GARIN2: variants seen among roughly 807,000 people sequenced by gnomAD.
The protein encoded by GARIN2 is golgi associated RAB2 interactor family member 2, also known as Golgi-associated RAB2 interactor protein 2.
At chr14:67,222,373 T>G in the GARIN2 span, among the ~76,000 whole-genome samples, 3 of 152,174 alleles carry the variant, frequency 2.0e-5, no homozygotes, top group African/African-American at 7.2e-5. Context: ...CACTGCAACC[T>G]CTCTGCCTTT....
the GARIN2 span, among the ~76,000 whole-genome samples, chr14:67,193,148 A>G: frequency 0.019 from 2,667 of 141,950 alleles, 22 homozygotes; most frequent in Middle Eastern, 0.056. Flanking sequence ...ACATCTATCT[A>G]TATATCTCTA....
At chr14:67,202,383 G>A in the GARIN2 span, among the ~76,000 whole-genome samples, 1 of 152,138 alleles carries the variant, frequency 6.6e-6, no homozygotes, top group Non-Finnish European at 1.5e-5. Flanking sequence ...AGAGGTTGTA[G>A]TAAGCCGAGA....
chr14:67,207,166 A>G, the GARIN2 span, among the ~76,000 whole-genome samples: 9 of 152,206 alleles, frequency 5.9e-5, no homozygotes, highest in Non-Finnish European at 1.2e-4. Flanking sequence ...ATTGCTATAA[A>G]GAAATATCTG....
At chr14:67,227,822 T>C in the GARIN2 span, 1 of 152,316 alleles carries the variant, frequency 6.6e-6, no homozygotes, top group Non-Finnish European at 1.5e-5. Flanking sequence ...ACATCCTGAA[T>C]GGACAGGTTT....
the GARIN2 span, chr14:67,199,597 G>C: frequency 6.3e-7 from 1 of 1,592,872 alleles, no homozygotes; most frequent in Non-Finnish European, 8.6e-7. Flanking sequence ...ATGCCTTCGA[G>C]AAGGACTCCA....
the GARIN2 span, among the ~76,000 whole-genome samples, chr14:67,196,304 C>T: frequency 6.6e-6 from 1 of 151,852 alleles, no homozygotes; most frequent in Non-Finnish European, 1.5e-5. Context: ...GCAACCTCCA[C>T]CTCTCATGTT....
At chr14:67,198,376 A>C in the GARIN2 span, 13 of 1,499,122 alleles carry the variant, frequency 8.7e-6, no homozygotes, top group Non-Finnish European at 1.2e-5. Context: ...ATTTTCTCAA[A>C]GAAAACTGAA....
the GARIN2 span, among the ~76,000 whole-genome samples, chr14:67,217,382 G>A: frequency 1.3e-5 from 2 of 152,214 alleles, no homozygotes; most frequent in East Asian, 3.9e-4. Context: ...TATCTTTTAA[G>A]CAGGGAATTT....
At chr14:67,204,599 T>C in the GARIN2 span, 1 of 1,613,680 alleles carries the variant, frequency 6.2e-7, no homozygotes, top group South Asian at 1.1e-5. Flanking sequence ...AGCCTGAAAG[T>C]AAAGCTGGTG....
At chr14:67,215,949 C>T in the GARIN2 span, among the ~76,000 whole-genome samples, 6 of 152,246 alleles carry the variant, frequency 3.9e-5, no homozygotes, top group South Asian at 2.1e-4. Context: ...CCATTAGATT[C>T]GCTTTTAATG....
the GARIN2 span, chr14:67,203,121 C>T: frequency 6.2e-7 from 1 of 1,613,548 alleles, no homozygotes. Context: ...ATCCATTTAC[C>T]TTCATAACCG....
the GARIN2 span, chr14:67,200,077 G>A: frequency 1.0e-6 from 1 of 973,218 alleles, no homozygotes; most frequent in Non-Finnish European, 1.6e-6. Flanking sequence ...ACCACCACCT[G>A]GAATGCCTTA....
At chr14:67,198,394 G>A in the GARIN2 span, 2 of 1,399,554 alleles carry the variant, frequency 1.4e-6, no homozygotes, top group Non-Finnish European at 2.0e-6. Context: ...GAAAAGGATG[G>A]TAGGAGAATT....
At chr14:67,222,037 C>T in the GARIN2 span, 1 of 493,192 alleles carries the variant, frequency 2.0e-6, no homozygotes, top group Non-Finnish European at 3.5e-6. Flanking sequence ...TACTTTACTA[C>T]TTCAGTTTTC....
the GARIN2 span, among the ~76,000 whole-genome samples, chr14:67,206,421 G>A: frequency 1.3e-5 from 2 of 151,954 alleles, no homozygotes; most frequent in African/African-American, 4.8e-5. Context: ...GTTTGAAACC[G>A]GGAGGTGGAG....
the GARIN2 span, among the ~76,000 whole-genome samples, chr14:67,192,842 CTATATATAGATATACAGA>C: frequency 7.2e-5 from 10 of 138,708 alleles, no homozygotes; most frequent in Non-Finnish European, 1.5e-4. Flanking sequence ...ATATATATAT[CTATATATAGATATACAGA>C]TATATATAGA....
At chr14:67,213,116 T>C in the GARIN2 span, among the ~76,000 whole-genome samples, 2 of 150,520 alleles carry the variant, frequency 1.3e-5, no homozygotes, top group Non-Finnish European at 3.0e-5. Flanking sequence ...TTTTTACTTC[T>C]CAGATAGCTG....
the GARIN2 span, among the ~76,000 whole-genome samples, chr14:67,201,086 AGGTTCAAGACTGACCT>A: frequency 6.6e-6 from 1 of 152,186 alleles, no homozygotes; most frequent in African/African-American, 2.4e-5. Context: ...GCTTGAGGCC[AGGTTCAAGACTGACCT>A]GGGCAACAAG....
At chr14:67,225,220 C>T in the GARIN2 span, 3 of 1,527,894 alleles carry the variant, frequency 2.0e-6, no homozygotes, top group East Asian at 2.4e-5. Context: ...AAAAGTAAAA[C>T]AGAAAAAGAC....
Sources: allele counts gnomAD v4.1 joint callset (sites outside exome capture counted in the v4.1 genomes callset), GRCh38; gene constraint gnomAD v4.1.1; transcripts MANE v1.5; gene names NCBI Gene and HGNC (gene_info 2026-07-23, HGNC 2026-07-21).